The following DEPDC5 variants were observed in gnomAD, a reference collection of about 807,000 sequenced individuals.
The protein encoded by DEPDC5 is DEP domain containing 5, GATOR1 subcomplex subunit, also known as GATOR1 complex protein DEPDC5.
In DEPDC5, 73 loss-of-function variants were observed where a neutral mutation model predicts 217.3. The ratio of observed to expected loss-of-function variants is 0.34; its 90% CI spans 0.28 to 0.41. The LOEUF (loss-of-function observed/expected upper bound fraction) is 0.41. DEPDC5 is among the 10% of genes least tolerant of loss of function. The pLI is 1.00. For synonymous variants in DEPDC5, 733 were observed against 756.7 expected (o/e 0.97, Z 0.51); for missense variants, 1,675 against 2,070.1 (o/e 0.81, Z 3.70).
chr22:31,798,801 A>C (rs2086544231), intron 14 of DEPDC5, 145 bp downstream of exon 14: 1 of 684,516 alleles, frequency 1.5e-6, no homozygotes, highest in African/African-American at 1.8e-5. Context: ...AATAAAGTGA[A>C]AGCAAGTATA....
intron 24 of DEPDC5, among the ~76,000 whole-genome samples, chr22:31,826,828 A>G (rs1221411661): frequency 6.6e-6 from 1 of 152,074 alleles, no homozygotes; most frequent in Non-Finnish European, 1.5e-5. Flanking sequence ...AAGTTGCCGT[A>G]TGTGAGAAGA....
chr22:31,796,036 C>T (rs528213306), intron 12 of DEPDC5, among the ~76,000 whole-genome samples: 1 of 151,788 alleles, frequency 6.6e-6, no homozygotes, highest in Non-Finnish European at 1.5e-5. Context: ...GGCCATAAAC[C>T]TTCATTTTCT....
intron 7 of DEPDC5, among the ~76,000 whole-genome samples, chr22:31,776,821 TGC>T (rs1569516399): frequency 6.6e-6 from 1 of 150,614 alleles, no homozygotes; most frequent in East Asian, 2.0e-4. Flanking sequence ...GTGATCCACC[TGC>T]CTTGGCCTCC....
chr22:31,883,747 T>C (rs990970014), intron 38 of DEPDC5, among the ~76,000 whole-genome samples: 1 of 152,210 alleles, frequency 6.6e-6, no homozygotes, highest in Non-Finnish European at 1.5e-5. Flanking sequence ...CCAAGCACAC[T>C]GCATTTCGGC....
intron 2 of DEPDC5, among the ~76,000 whole-genome samples, chr22:31,756,038 ATTTTT>A (rs35222514): frequency 8.6e-6 from 1 of 116,864 alleles, no homozygotes; most frequent in African/African-American, 3.2e-5. Flanking sequence ...ACACCTGGCT[ATTTTT>A]TTTTTTTTTT....
intron 7 of DEPDC5, among the ~76,000 whole-genome samples, chr22:31,770,439 G>A (rs1171823728): frequency 6.6e-6 from 1 of 151,166 alleles, no homozygotes; most frequent in African/African-American, 2.4e-5. Context: ...GGAGTGCAGT[G>A]GTGGGACCTT....
At chr22:31,823,091 G>T in intron 24 of DEPDC5, 1 of 323,382 alleles carries the variant, frequency 3.1e-6, no homozygotes, top group Non-Finnish European at 6.0e-6. Context: ...GAGCTGGAGT[G>T]GTCTGTGCTC....
intron 4 of DEPDC5, among the ~76,000 whole-genome samples, chr22:31,761,474 T>TA (rs1233041230): frequency 6.6e-6 from 1 of 152,032 alleles, no homozygotes; most frequent in East Asian, 1.9e-4. Context: ...TCCATTTTTT[T>TA]ATGACTGTAG....
chr22:31,787,057 G>A (rs2085073877), intron 10 of DEPDC5, among the ~76,000 whole-genome samples: 2 of 151,692 alleles, frequency 1.3e-5, no homozygotes, highest in South Asian at 4.2e-4. Context: ...TGGGATTACA[G>A]ATGTGAGCCA....
chr22:31,858,432 C>G (rs1327445766), intron 32 of DEPDC5: 1 of 152,180 alleles, frequency 6.6e-6, no homozygotes, highest in African/African-American at 2.4e-5. Flanking sequence ...TCAGATCATT[C>G]TGTTGTGATA....
Position 31,754,900 on chromosome 22 carries a change from C to T in DEPDC5, c.-22C>T, listed in dbSNP as rs764300860. 1.9e-6 allele frequency: 3 copies of T among 1,613,874 alleles called. No homozygotes were observed. Among genetic ancestry groups the T allele is most frequent in the African/African-American group, 2.7e-5 (2 of 74,914 alleles). ...CTTCTCTGCCCCAAGCTTGGAACAG[C>T]TAAAGGGAAAAACAGTGCAAGATGA... On this transcript the variant is annotated 5_prime_UTR_variant, in exon 2 of 43. Transcript: ENST00000651528.
intron 33 of DEPDC5, among the ~76,000 whole-genome samples, chr22:31,870,126 G>A (rs1458125429): frequency 3.3e-5 from 5 of 152,274 alleles, no homozygotes; most frequent in African/African-American, 7.2e-5. Flanking sequence ...GGTGAGTCAC[G>A]GTAGGCAGAA....
chr22:31,805,589 CA>C (rs1195942611), intron 17 of DEPDC5, among the ~76,000 whole-genome samples: 1 of 151,942 alleles, frequency 6.6e-6, no homozygotes, highest in Admixed American at 6.6e-5. Flanking sequence ...CAACCTCCAC[CA>C]CCCGGGTTCA....
At chr22:31,905,419 A>G (rs763328467) in intron 41 of DEPDC5, among the ~76,000 whole-genome samples, 13 of 149,086 alleles carry the variant, frequency 8.7e-5, no homozygotes, top group Non-Finnish European at 1.3e-4. Context: ...CAGAGGTTGC[A>G]GTGAGCCGAG....
chr22:31,895,878 C>T (rs1471924126), intron 39 of DEPDC5, among the ~76,000 whole-genome samples: 1 of 151,980 alleles, frequency 6.6e-6, no homozygotes, highest in East Asian at 1.9e-4. Flanking sequence ...AGACAGCCTG[C>T]TGCTCATTCT....
At position 31,838,810 on chromosome 22, in the gene DEPDC5, C is replaced by T. The variant is rs374719445; in HGVS notation, c.2480C>T (p.Pro827Leu). The change falls in exon 27 of 43, where the codon CCG becomes CTG. Residue 827 changes from proline to leucine, a missense_variant. Physicochemically the swap from Pro to Leu is moderately conservative, Grantham distance 98. This residue lies in a region of DEPDC5 where 293 missense variants were observed against 386.1 expected (regional missense o/e 0.76). Coordinates refer to ENST00000651528, the MANE Select transcript of DEPDC5 (RefSeq NM_001242896.3). ...PKTQKPNPAVPPPLSSSPLYS... is the reference protein window; with the variant it reads ...PKTQKPNPAVLPPLSSSPLYS... The stretch of plus-strand genomic sequence containing the variant: ...ACACAGAAACCCAATCCTGCTGTCC[C>T]GCCCCCGCTGAGCAGTAGCCCACTC... 4.2e-5 allele frequency: 67 copies of T among 1,613,964 alleles called. No individual in the cohort carries two copies. The highest frequency in any genetic ancestry group is 1.6e-4 in the Middle Eastern group (1 of 6,084).
intron 8 of DEPDC5, among the ~76,000 whole-genome samples, chr22:31,779,105 C>T (rs1375838544): frequency 6.6e-6 from 1 of 152,204 alleles, no homozygotes; most frequent in Non-Finnish European, 1.5e-5. Context: ...TACCACCCTT[C>T]ACCCTACAAA....
chr22:31,815,030 C>T lies in DEPDC5; in HGVS notation c.1484C>T (p.Ala495Val), dbSNP rs1294941595. The change falls in exon 21 of 43, where the codon GCC becomes GTC. Residue 495 changes from alanine to valine, a missense_variant. Around this residue, in one of 11 missense-constraint regions of DEPDC5, gnomAD observed 628 missense variants for 762.1 expected, o/e 0.82. Coordinates refer to ENST00000651528, the MANE Select transcript of DEPDC5 (RefSeq NM_001242896.3). ...RERESHSRKS[A>V]SSCDVSSSPS... is the part of the protein sequence containing the mutation. ...CGAGAGAGTCACAGTCGAAAGAGTG[C>T]CAGCTCCTGTGATGTTTCATCCAGC... 6.2e-7 allele frequency: 1 copy of T among 1,614,096 alleles called. No homozygotes were observed. Among genetic ancestry groups the T allele is most frequent in the Non-Finnish European group, 8.5e-7 (1 of 1,179,998 alleles).
chr22:31,756,297 C>T (rs1036132776), intron 2 of DEPDC5, among the ~76,000 whole-genome samples: 1 of 152,188 alleles, frequency 6.6e-6, no homozygotes, highest in African/African-American at 2.4e-5. Flanking sequence ...TATCATAGAG[C>T]ATTGTGAGGC....
Sources: gnomAD v4.1 joint callset for allele counts (sites outside exome capture counted in the v4.1 genomes callset) on GRCh38, gnomAD v4.1.1 for gene constraint, gnomAD v4.1.1 regional missense constraint, MANE v1.5 for transcripts, NCBI Gene and HGNC (gene_info 2026-07-23, HGNC 2026-07-21) for gene names.